The following LIPK variants were observed in gnomAD, a reference collection of about 807,000 sequenced individuals.
LIPK encodes lipase member K.
In LIPK, 32 loss-of-function variants were observed where a neutral mutation model predicts 48.6. The ratio of observed to expected loss-of-function variants is 0.66; its 90% confidence interval spans 0.50 to 0.88. The LOEUF is 0.88. Among genes scored for constraint, LIPK ranks in the 40% least tolerant of loss-of-function variants. LIPK has a pLI of 0.00. For missense variants in LIPK, 507 were observed against 478.5 expected, an observed-to-expected ratio of 1.06 and a Z score of -0.56; for synonymous variants, 164 against 157.4, an observed-to-expected ratio of 1.04 and a Z score of -0.32.
At position 88,726,813 on chromosome 10, in the gene LIPK, T is replaced by C; in HGVS notation, c.124T>C (p.Trp42Arg). The C allele has an allele frequency of 6.3e-7, 1 of 1,582,432 alleles. No individual in the cohort carries two copies. Among genetic ancestry groups the C allele is most frequent in the South Asian group, 1.1e-5 (1 of 89,266 alleles). Reference protein sequence around the residue: ...NMNISQIISYWGYPYEEYDVT... With the variant: ...NMNISQIISYRGYPYEEYDVT... ...TTTTTAGAGCCAGATTATTTCTTAC[T>C]GGGGTTATCCTTATGAAGAGTATGA... Residue 42 changes from tryptophan (W) to arginine (R), a missense_variant, in exon 3 of 10, where the codon TGG becomes CGG. Coordinates refer to ENST00000404190, the MANE Select transcript of LIPK (RefSeq NM_001080518.2).
intron 9 of LIPK, among the ~76,000 whole-genome samples, chr10:88,751,158 G>C (rs1842856601): frequency 6.6e-6 from 1 of 151,828 alleles, no homozygotes; most frequent in Admixed American, 6.6e-5. Flanking sequence ...TTTTCGATCT[G>C]GTGTGTCACC....
intron 3 of LIPK, among the ~76,000 whole-genome samples, chr10:88,729,351 G>C (rs959244752): frequency 2.0e-5 from 3 of 150,892 alleles, no homozygotes; most frequent in Non-Finnish European, 4.4e-5. Context: ...TTGACATGTC[G>C]AATAACAAAA....
chr10:88,730,305 T>G (rs983616856), intron 3 of LIPK, among the ~76,000 whole-genome samples: 1 of 152,230 alleles, frequency 6.6e-6, no homozygotes, highest in Non-Finnish European at 1.5e-5. Flanking sequence ...TTTATTTTGT[T>G]TTGAGACGGA....
intron 2 of LIPK, among the ~76,000 whole-genome samples, chr10:88,726,491 G>A (rs1419536139): frequency 6.6e-6 from 1 of 152,208 alleles, no homozygotes; most frequent in Non-Finnish European, 1.5e-5. Context: ...AGGAGTTTAA[G>A]ACCAGCCTGG....
At chr10:88,722,013 C>T (rs1842234435) in intron 1 of LIPK, among the ~76,000 whole-genome samples, 1 of 152,138 alleles carries the variant, frequency 6.6e-6, no homozygotes. Context: ...GATTAAATAA[C>T]ATGGCCAGGT....
Position 88,731,008 on chromosome 10 carries a change from G to A in LIPK, c.249G>A (p.Gln83=). ...CTCCAAAGCCTGCTGTGTATTTGCA[G>A]CATGGCTTAATTGCATCTGCCAGTA... ...RTAPKPAVYL[Q]HGLIASASNW... The change falls in exon 4 of 10, where the codon CAG becomes CAA. Residue 83 remains glutamine, a synonymous_variant. Transcript: ENST00000404190. 1.3e-6 allele frequency: 2 copies of A among 1,591,402 alleles called. No homozygotes were observed. Among genetic ancestry groups the A allele is most frequent in the Non-Finnish European group, 1.7e-6 (2 of 1,168,318 alleles).
intron 3 of LIPK, among the ~76,000 whole-genome samples, chr10:88,729,568 T>C (rs868516365): frequency 6.6e-5 from 10 of 152,202 alleles, no homozygotes; most frequent in South Asian, 2.1e-4. Flanking sequence ...GCTGCCAAAA[T>C]TCATGAGACA....
intron 9 of LIPK, among the ~76,000 whole-genome samples, chr10:88,744,113 CCAGTGTAATCTGAGCA>C (rs568291723): frequency 9.3e-4 from 142 of 152,302 alleles, no homozygotes; most frequent in African/African-American, 3.4e-3. Context: ...CGGGACAGGG[CCAGTGTAATCTGAGCA>C]CATCCCTGTC....
At chr10:88,748,717 C>G (rs1842813910) in intron 9 of LIPK, among the ~76,000 whole-genome samples, 1 of 152,104 alleles carries the variant, frequency 6.6e-6, no homozygotes, top group South Asian at 2.1e-4. Context: ...AAGCATTCCC[C>G]TTGAGAACTG....
rs531167800 is a variant in LIPK at position 88,723,719 on chromosome 10, A to C, written c.-11-814A>C. On this transcript the variant is annotated intron_variant, in intron 1 of 9. Transcript: ENST00000404190. ...AAAAACACTTTAAAAATGAGAAAAT[A>C]ATCATCCAAATATTCACCATCTAGA... Among the ~76,000 whole-genome samples, 8 of 152,250 alleles carry C rather than the reference A, an allele frequency of 5.3e-5. No homozygotes were observed. The East Asian group carries it at 1.3e-3, about 26-fold the overall frequency.
At chr10:88,707,369 T>C (rs1387778270) in intron 1 of LIPK, among the ~76,000 whole-genome samples, 1 of 152,148 alleles carries the variant, frequency 6.6e-6, no homozygotes, top group African/African-American at 2.4e-5. Context: ...TGTAAGGACA[T>C]TGAGGGAAAA....
At chr10:88,713,370 T>G (rs1395059042) in intron 1 of LIPK, among the ~76,000 whole-genome samples, 2 of 140,384 alleles carry the variant, frequency 1.4e-5, no homozygotes, top group African/African-American at 5.5e-5. Context: ...TAGCTGTTAT[T>G]GTCCTAATTG....
chr10:88,741,975 T>TGGCTAGGA (rs1842687167), intron 8 of LIPK, among the ~76,000 whole-genome samples: 1 of 152,162 alleles, frequency 6.6e-6, no homozygotes, highest in Admixed American at 6.5e-5. Flanking sequence ...ACAGGAAGCA[T>TGGCTAGGA]GGCTAGGAGG....
intron 1 of LIPK, among the ~76,000 whole-genome samples, chr10:88,723,965 T>A (rs1372272543): frequency 1.3e-5 from 2 of 152,164 alleles, no homozygotes; most frequent in Non-Finnish European, 2.9e-5. Flanking sequence ...TTTGGGAAAT[T>A]TTACTGTCTT....
At chr10:88,739,966 G>A (rs1026048983) in intron 7 of LIPK, 30 bp from the exon 8 acceptor site, 4 of 1,473,590 alleles carry the variant, frequency 2.7e-6, no homozygotes, top group African/African-American at 1.4e-5. Flanking sequence ...GATATGATTA[G>A]CCTCTAGATG....
At chr10:88,721,694 A>G (rs969704819) in intron 1 of LIPK, among the ~76,000 whole-genome samples, 8 of 152,164 alleles carry the variant, frequency 5.3e-5, no homozygotes, top group African/African-American at 1.9e-4. Context: ...AGGATTAGCC[A>G]TTTCAGAAGA....
rs74147264 is a variant in LIPK at position 88,751,360 on chromosome 10, A to G, written c.961-1157A>G. Among the ~76,000 whole-genome samples, 1,325 of 151,576 alleles carry G rather than the reference A, an allele frequency of 8.7e-3. 16 individuals are homozygous for G. The highest frequency in any genetic ancestry group is 0.03 in the African/African-American group (1,251 of 41,314). ...CAAATCTAGGATGTAGAAATTTGGG[A>G]AAAAAAAATTCTTTTTTTTAATTTC... On this transcript the variant is annotated intron_variant, in intron 9 of 9. Coordinates refer to ENST00000404190, the MANE Select transcript of LIPK (RefSeq NM_001080518.2).
intron 9 of LIPK, among the ~76,000 whole-genome samples, chr10:88,746,033 A>G (rs755746343): frequency 5.9e-5 from 9 of 152,250 alleles, no homozygotes; most frequent in Non-Finnish European, 1.3e-4. Flanking sequence ...GGAACAGAGA[A>G]GGACATTAAA....
At chr10:88,747,966 A>G (rs1011652032) in intron 9 of LIPK, among the ~76,000 whole-genome samples, 1 of 152,210 alleles carries the variant, frequency 6.6e-6, no homozygotes, top group Non-Finnish European at 1.5e-5. Context: ...ATGTATGTTT[A>G]CTGCAGCACT....
Sources: allele counts gnomAD v4.1 joint callset (sites outside exome capture counted in the v4.1 genomes callset), GRCh38; gene constraint gnomAD v4.1.1; transcripts MANE v1.5; gene names NCBI Gene and HGNC (gene_info 2026-07-23, HGNC 2026-07-21).